POLA1: variants seen among roughly 807,000 people sequenced by gnomAD.
POLA1 encodes the protein DNA polymerase alpha catalytic subunit.
Under a neutral mutation model 124.0 loss-of-function variants are expected in POLA1, and 15 were observed. The observed-to-expected ratio is 0.12, with a 90% confidence interval of 0.08 to 0.19. The LOEUF (loss-of-function observed/expected upper bound fraction) is 0.19. POLA1 is among the 10% of genes least tolerant of loss of function. The pLI is 1.00. For synonymous variants in POLA1, 408 were observed against 389.4 expected, an observed-to-expected ratio of 1.05 and a Z score of -0.56; for missense variants, 886 against 1,103.4, an observed-to-expected ratio of 0.80 and a Z score of 2.79.
chrX:24,843,872 A>C (rs2046441121), intron 34 of POLA1, among the ~76,000 whole-genome samples, 195 bp downstream of exon 34: 1 of 112,300 alleles, frequency 8.9e-6, no homozygotes, highest in Non-Finnish European at 1.9e-5. Context: ...TCTCTCAGGC[A>C]TTACATCTCT....
intron 26 of POLA1, among the ~76,000 whole-genome samples, chrX:24,799,978 G>A (rs879077244): frequency 1.8e-5 from 2 of 111,867 alleles, no homozygotes; most frequent in Admixed American, 1.9e-4. Context: ...TTGCTTGAGT[G>A]CTGATATTCA....
At chrX:24,723,534 ACTC>A (rs1301599472) in intron 11 of POLA1, among the ~76,000 whole-genome samples, 2 of 112,122 alleles carry the variant, frequency 1.8e-5, no homozygotes, top group Non-Finnish European at 3.8e-5. Flanking sequence ...TCTTTCTCTC[ACTC>A]CTCATTTCCA....
At chrX:24,930,374 G>C in intron 35 of POLA1, 79 bp from the exon 36 acceptor site, 1 of 655,764 alleles carries the variant, frequency 1.5e-6, no homozygotes, top group Non-Finnish European at 2.5e-6. Context: ...GAAAGTAGGG[G>C]ATACACTCTG....
intron 5 of POLA1, 97 bp from the exon 6 acceptor site, chrX:24,715,044 A>G: frequency 1.7e-6 from 1 of 593,023 alleles, no homozygotes; most frequent in Non-Finnish European, 2.8e-6. Context: ...GCAAGGACTA[A>G]CTGGCTAGGT....
At chrX:24,992,565 G>A (rs1210149162) in intron 36 of POLA1, among the ~76,000 whole-genome samples, 1 of 112,565 alleles carries the variant, frequency 8.9e-6, no homozygotes, top group Non-Finnish European at 1.9e-5. Context: ...GCTGCTGCCT[G>A]TGTGCCTAAG....
chrX:24,788,845 A>G lies in POLA1; in HGVS notation c.2965-21053A>G, dbSNP rs188550634. 5 of 1,191,801 alleles carry G rather than the reference A, an allele frequency of 4.2e-6. No homozygotes were observed. In the East Asian group the frequency reaches 1.5e-4, roughly 35 times the overall value. On this transcript the variant is annotated intron_variant, in intron 26 of 36. Coordinates refer to ENST00000379068, the MANE Select transcript of POLA1 (RefSeq NM_001330360.2). ...CATCGGCAGGACCATACTTGCCCAAAGCTTTCTTCACTCCTGGCAGGCTGG... is the reference window on the plus strand; with the variant it reads ...CATCGGCAGGACCATACTTGCCCAAGGCTTTCTTCACTCCTGGCAGGCTGG...
chrX:24,744,571 A>G, intron 23 of POLA1: 2 of 346,989 alleles, frequency 5.8e-6, no homozygotes, highest in Non-Finnish European at 1.1e-5. Flanking sequence ...ACTGACATTT[A>G]TATATATGTG....
At chrX:24,926,753 G>C (rs192507017) in intron 35 of POLA1, among the ~76,000 whole-genome samples, 12 of 110,981 alleles carry the variant, frequency 1.1e-4, no homozygotes, top group African/African-American at 3.9e-4. Context: ...GAACTACCTG[G>C]CAGCCCTTTA....
chrX:24,809,601 G>A (rs1310206750), intron 26 of POLA1, among the ~76,000 whole-genome samples: 1 of 111,603 alleles, frequency 9.0e-6, no homozygotes, highest in Non-Finnish European at 1.9e-5. Flanking sequence ...TTCTATTTAA[G>A]TATTAGTAAT....
chrX:24,764,091 A>ACT (rs1932847758), intron 26 of POLA1, among the ~76,000 whole-genome samples: 1 of 111,303 alleles, frequency 9.0e-6, no homozygotes, highest in Non-Finnish European at 1.9e-5. Flanking sequence ...AACCTCATTG[A>ACT]CCCTCTGCTT....
intron 36 of POLA1, among the ~76,000 whole-genome samples, chrX:24,967,168 A>G (rs1268869113): frequency 9.1e-6 from 1 of 110,128 alleles, no homozygotes; most frequent in Non-Finnish European, 1.9e-5. Flanking sequence ...GAACTTTCAC[A>G]GAACATTTTT....
At chrX:24,822,124 C>T (rs2046098909) in intron 31 of POLA1, among the ~76,000 whole-genome samples, 1 of 110,418 alleles carries the variant, frequency 9.1e-6, no homozygotes, top group South Asian at 4.0e-4. Context: ...ACCTCTAGGC[C>T]TTCTGGAACA....
chrX:24,771,994 A>G (rs1031578202), intron 26 of POLA1, among the ~76,000 whole-genome samples: 8 of 112,124 alleles, frequency 7.1e-5, no homozygotes, highest in African/African-American at 2.6e-4. Context: ...TCTGTTCACC[A>G]GAATATTTTC....
intron 36 of POLA1, among the ~76,000 whole-genome samples, chrX:24,970,155 C>T (rs1212844028): frequency 3.6e-5 from 4 of 112,077 alleles, no homozygotes; most frequent in African/African-American, 1.3e-4. Context: ...TCAGACTACA[C>T]ACCTACAACC....
chrX:24,760,512 C>G (rs11573380), intron 26 of POLA1, among the ~76,000 whole-genome samples: 1 of 111,920 alleles, frequency 8.9e-6, no homozygotes, highest in Admixed American at 9.5e-5. Context: ...TTGGCAGCCT[C>G]GGCTGCCTGG....
At chrX:24,705,784 A>G (rs894989592) in intron 4 of POLA1, among the ~76,000 whole-genome samples, 1 of 110,597 alleles carries the variant, frequency 9.0e-6, no homozygotes, top group African/African-American at 3.3e-5. Context: ...ATGTCCCACA[A>G]TCTGAGTTTT....
rs11573365 is a variant in POLA1, at chrX:24,741,890, G to T, written c.2347-112G>T. The T allele has an allele frequency of 3.3e-3, 1,724 of 520,192 alleles. 36 individuals are homozygous for T. The East Asian group carries it at 0.061, about 18-fold the overall frequency. The allele number at this position is 520,192 out of a possible 1,213,427, so 42.9% of individuals were successfully genotyped here. ...TTTTTTTTTAAAAAAAAAGCAGACC[G>T]TTATTAGGAATAGTTTTGAAGGAGG... On this transcript the variant is annotated intron_variant, in intron 21 of 36. Coordinates refer to ENST00000379068, the MANE Select transcript of POLA1 (RefSeq NM_001330360.2).
intron 35 of POLA1, among the ~76,000 whole-genome samples, chrX:24,888,389 A>T (rs1049238008): frequency 9.0e-6 from 1 of 111,148 alleles, no homozygotes; most frequent in Non-Finnish European, 1.9e-5. Context: ...ACATAATTAC[A>T]AAAGAAGACA....
chrX:24,821,217 C>T (rs1284837608), intron 30 of POLA1, among the ~76,000 whole-genome samples: 179 of 111,781 alleles, frequency 1.6e-3, no homozygotes, highest in African/African-American at 5.4e-3. Context: ...GGCCCATTAA[C>T]TTATATTTCT....
Sources: gnomAD v4.1 joint callset for allele counts (sites outside exome capture counted in the v4.1 genomes callset) on GRCh38, gnomAD v4.1.1 for gene constraint, MANE v1.5 for transcripts, NCBI Gene and HGNC (gene_info 2026-07-23, HGNC 2026-07-21) for gene names.